VSNL1: variants seen among roughly 807,000 people sequenced by gnomAD.
VSNL1 encodes visinin like 1, also known as visinin-like protein 1.
VSNL1 carries 6 observed loss-of-function variants against 20.4 expected under a neutral mutation model. That is an observed-to-expected ratio of 0.29 (90% CI 0.16 to 0.58). VSNL1 has a LOEUF of 0.58. Ranked by LOEUF, VSNL1 falls within the 20% of genes least tolerant of loss-of-function variation. VSNL1 has a pLI of 0.90. For missense variants in VSNL1, 100 were observed against 234.5 expected, an observed-to-expected ratio of 0.43 and a Z score of 3.75; for synonymous variants, 93 against 86.4, an observed-to-expected ratio of 1.08 and a Z score of -0.42.
intron 2 of VSNL1, among the ~76,000 whole-genome samples, chr2:17,636,859 G>A (rs1293656770): frequency 2.0e-5 from 3 of 152,166 alleles, no homozygotes; most frequent in Non-Finnish European, 4.4e-5. Context: ...TGTGTTTGGA[G>A]AGTGCTTTAG....
chr2:17,587,384 C>CACACAT (rs1354686204), intron 1 of VSNL1, among the ~76,000 whole-genome samples: 7 of 151,104 alleles, frequency 4.6e-5, no homozygotes, highest in African/African-American at 1.5e-4. Context: ...CACACACACA[C>CACACAT]ACACACACAC....
chr2:17,540,596 G>A (rs1366366276), upstream of VSNL1: 3 of 152,832 alleles, frequency 2.0e-5, no homozygotes, highest in East Asian at 3.8e-4. Flanking sequence ...CGGAGCTGGG[G>A]GGAGGGAAGA....
chr2:17,591,809 T>C (rs914866550), intron 1 of VSNL1, among the ~76,000 whole-genome samples: 34 of 152,054 alleles, frequency 2.2e-4, no homozygotes, highest in African/African-American at 8.2e-4. Flanking sequence ...TGCCTTCCAT[T>C]TGGGAGTCAA....
At chr2:17,584,753 C>G (rs979236070) in intron 1 of VSNL1, among the ~76,000 whole-genome samples, 4 of 152,170 alleles carry the variant, frequency 2.6e-5, no homozygotes, top group African/African-American at 9.7e-5. Context: ...CAGCCTGTCT[C>G]AGTACCCAAG....
chr2:17,548,942 G>A (rs1663462210), intron 1 of VSNL1, among the ~76,000 whole-genome samples: 1 of 152,130 alleles, frequency 6.6e-6, no homozygotes, highest in East Asian at 1.9e-4. Flanking sequence ...AGTGACTAAT[G>A]TTCAGTTGAT....
chr2:17,597,688 T>TG (rs1664740258), intron 2 of VSNL1, among the ~76,000 whole-genome samples: 2 of 152,374 alleles, frequency 1.3e-5, no homozygotes, highest in African/African-American at 4.8e-5. Flanking sequence ...TTAGAAAACA[T>TG]GCTTCCAGCT....
intron 2 of VSNL1, among the ~76,000 whole-genome samples, chr2:17,616,178 T>C (rs1284363274): frequency 1.3e-5 from 2 of 152,218 alleles, no homozygotes; most frequent in African/African-American, 2.4e-5. Context: ...TTCTGCAACA[T>C]TGCACCTCCA....
At chr2:17,608,447 A>G (rs528539892) in intron 2 of VSNL1, among the ~76,000 whole-genome samples, 3 of 152,360 alleles carry the variant, frequency 2.0e-5, no homozygotes, top group Admixed American at 2.0e-4. Flanking sequence ...GACATCTTTC[A>G]AGATGACACA....
chr2:17,592,848 C>T (rs562383156), intron 2 of VSNL1, among the ~76,000 whole-genome samples: 4 of 152,034 alleles, frequency 2.6e-5, no homozygotes, highest in Admixed American at 6.6e-5. Context: ...GAACATTACA[C>T]AGAACAGTCC....
At chr2:17,602,043 G>A (rs768713918) in intron 2 of VSNL1, among the ~76,000 whole-genome samples, 6 of 152,224 alleles carry the variant, frequency 3.9e-5, no homozygotes, top group Non-Finnish European at 8.8e-5. Flanking sequence ...GCTGTTTTAC[G>A]TTAGTGGACT....
chr2:17,542,219 T>TG (rs1198863830), intron 1 of VSNL1, among the ~76,000 whole-genome samples: 1 of 151,206 alleles, frequency 6.6e-6, no homozygotes, highest in Non-Finnish European at 1.5e-5. Context: ...GTGTGTGTGG[T>TG]GGGGGGGAGT....
chr2:17,622,497 C>CA (rs34239828), intron 2 of VSNL1, among the ~76,000 whole-genome samples: 2,386 of 60,262 alleles, frequency 0.04, 189 homozygotes, highest in African/African-American at 0.1. Flanking sequence ...GGCTACATCT[C>CA]AAAAAAAAAA....
At chr2:17,615,895 T>C (rs935640199) in intron 2 of VSNL1, among the ~76,000 whole-genome samples, 2 of 152,154 alleles carry the variant, frequency 1.3e-5, no homozygotes, top group South Asian at 4.1e-4. Flanking sequence ...ACTATACCAC[T>C]TGGACAGGAA....
chr2:17,650,532 C>T (rs896758032), intron 3 of VSNL1, among the ~76,000 whole-genome samples: 1 of 152,154 alleles, frequency 6.6e-6, no homozygotes, highest in African/African-American at 2.4e-5. Flanking sequence ...AGCATGGGTT[C>T]CCACCCCTGC....
intron 2 of VSNL1, among the ~76,000 whole-genome samples, chr2:17,629,172 G>A (rs1261816356): frequency 6.6e-6 from 1 of 152,198 alleles, no homozygotes; most frequent in Non-Finnish European, 1.5e-5. Context: ...TTTCAGGGCT[G>A]TTATAAGGTC....
At chr2:17,584,790 G>A (rs1184247433) in intron 1 of VSNL1, among the ~76,000 whole-genome samples, 1 of 152,148 alleles carries the variant, frequency 6.6e-6, no homozygotes, top group African/African-American at 2.4e-5. Flanking sequence ...ACTGCAGCAG[G>A]CATCAGTCTT....
intron 2 of VSNL1, among the ~76,000 whole-genome samples, chr2:17,623,562 C>T (rs571170731): frequency 2.0e-4 from 30 of 150,320 alleles, no homozygotes; most frequent in Admixed American, 1.5e-3. Flanking sequence ...CCCAGCTACT[C>T]GGGAGGCTGA....
intron 1 of VSNL1, among the ~76,000 whole-genome samples, chr2:17,568,852 T>C (rs572551034): frequency 6.6e-6 from 1 of 152,220 alleles, no homozygotes. Context: ...AATTATTAGT[T>C]GATTTTTTTT....
At chr2:17,549,251 CA>C (rs1450622273) in intron 1 of VSNL1, among the ~76,000 whole-genome samples, 4 of 152,164 alleles carry the variant, frequency 2.6e-5, no homozygotes, top group Non-Finnish European at 4.4e-5. Flanking sequence ...AGAACATGTT[CA>C]GATCAGGTTT....
Sources: allele counts gnomAD v4.1 joint callset (sites outside exome capture counted in the v4.1 genomes callset), GRCh38; gene constraint gnomAD v4.1.1; transcripts MANE v1.5; gene names NCBI Gene and HGNC (gene_info 2026-07-23, HGNC 2026-07-21).